FMN2: variants seen among roughly 807,000 people sequenced by gnomAD.
FMN2 encodes formin 2, also known as formin-2.
A neutral mutation model predicts 142.3 loss-of-function variants in FMN2; 51 were observed. The observed-to-expected ratio is 0.36, with a 90% CI of 0.29 to 0.45. The LOEUF (loss-of-function observed/expected upper bound fraction) is 0.45, where lower values mean the gene tolerates loss of function less well. FMN2 is among the 20% of genes least tolerant of loss of function. The probability of loss-of-function intolerance (pLI) is 1.00; values close to 1 mark genes in which losing one functional copy is unlikely to be tolerated. For synonymous variants in FMN2, 882 were observed against 869.8 expected (o/e 1.01, Z -0.25); for missense variants, 1,936 against 2,122.8 (o/e 0.91, Z 1.73).
At chr1:240,193,267 C>T (rs1251241349) in intron 4 of FMN2, among the ~76,000 whole-genome samples, 1 of 151,508 alleles carries the variant, frequency 6.6e-6, no homozygotes, top group Non-Finnish European at 1.5e-5. Flanking sequence ...TGCTGACCTA[C>T]TGTGTGCAAG....
intron 2 of FMN2, among the ~76,000 whole-genome samples, chr1:240,160,592 CTT>C (rs1036286284): frequency 1.3e-5 from 2 of 151,502 alleles, no homozygotes; most frequent in African/African-American, 4.8e-5. Context: ...TCTTAGGAAA[CTT>C]AGAAATAGAA....
At position 240,094,105 on chromosome 1, in the gene FMN2, G is replaced by GA. The variant is rs896844394; in HGVS notation, c.1615+389dup. 4.0e-5 allele frequency among the ~76,000 whole-genome samples: 6 copies of GA among 151,834 alleles called. No homozygotes were observed. The East Asian group carries it at 5.8e-4, about 15-fold the overall frequency. On this transcript the variant is annotated intron_variant, in intron 1 of 17. Coordinates refer to ENST00000319653, the MANE Select transcript of FMN2 (RefSeq NM_020066.5). ...TTTTTCATCACCACAGCATTAAAAAGAAAAAAAATTGTTCATGGTTCTTTC... is the reference window on the plus strand; with the variant it reads ...TTTTTCATCACCACAGCATTAAAAAGAAAAAAAAATTGTTCATGGTTCTTTC...
chr1:240,308,184 CA>C (rs1280446408), intron 8 of FMN2, among the ~76,000 whole-genome samples: 3 of 152,126 alleles, frequency 2.0e-5, no homozygotes, highest in African/African-American at 7.2e-5. Flanking sequence ...GAGACCATAT[CA>C]TGCCTGAAGT....
intron 15 of FMN2, among the ~76,000 whole-genome samples, chr1:240,427,301 G>C (rs968889943): frequency 7.3e-5 from 11 of 151,716 alleles, no homozygotes; most frequent in Non-Finnish European, 1.6e-4. Context: ...CGCCTCCTGG[G>C]TTCACGCCAT....
rs532298569 is a variant in FMN2, at chr1:240,092,766, ACAGCAG to A, written c.671_676del (p.Gln224_Gln225del). On this transcript the variant is annotated inframe_deletion, in exon 1 of 18. Coordinates refer to ENST00000319653, the MANE Select transcript of FMN2 (RefSeq NM_020066.5). ...AGCAGCTCCAGCTCCAGCTCCAGCA[ACAGCAG>A]CAGCAGCAGCAGCTCCAGGGCGCCG... 2.5e-6 allele frequency: 4 copies of A among 1,609,666 alleles called. No individual in the cohort carries two copies. The highest frequency in any genetic ancestry group is 2.7e-5 in the African/African-American group (2 of 74,924).
chr1:240,148,085 C>G (rs761876668), intron 2 of FMN2, among the ~76,000 whole-genome samples: 5 of 152,144 alleles, frequency 3.3e-5, no homozygotes, highest in Non-Finnish European at 7.4e-5. Flanking sequence ...GTCAACAAAA[C>G]GTTTTCCCTG....
At chr1:240,174,715 G>T (rs1293217624) in intron 2 of FMN2, among the ~76,000 whole-genome samples, 1 of 152,056 alleles carries the variant, frequency 6.6e-6, no homozygotes, top group African/African-American at 2.4e-5. Flanking sequence ...TACCTCTTAA[G>T]AACTGACTTG....
At chr1:240,148,968 T>A (rs575710434) in intron 2 of FMN2, among the ~76,000 whole-genome samples, 2 of 80,452 alleles carry the variant, frequency 2.5e-5, no homozygotes, top group Admixed American at 2.5e-4. Context: ...CGAGACTCCG[T>A]CTCAAAAAAA....
At chr1:240,232,547 T>C (rs1038188633) in intron 6 of FMN2, among the ~76,000 whole-genome samples, 2 of 152,244 alleles carry the variant, frequency 1.3e-5, no homozygotes, top group African/African-American at 4.8e-5. Flanking sequence ...CTTAACATTT[T>C]AGATTGTTCA....
At position 240,207,565 on chromosome 1, in the gene FMN2, C is replaced by G. The variant is rs768693892; in HGVS notation, c.2753C>G (p.Ala918Gly). ...LPPPPPPLPG[A>G]GIPPPPPLPG... The stretch of plus-strand genomic sequence containing the variant: ...CCCCCTCCCCCTCCTCTTCCCGGAG[C>G]GGGCATACCTCCTCCGCCGCCTCTA... The change falls in exon 5 of 18, where the codon GCG (alanine) becomes GGG (glycine). Residue 918 changes from alanine (A) to glycine (G), a missense_variant. By Grantham distance (60) the Ala-to-Gly change is moderately conservative. Around this residue, in one of 8 missense-constraint regions of FMN2, gnomAD observed 478 missense variants for 462.8 expected, o/e 1.03. Coordinates refer to ENST00000319653, the MANE Select transcript of FMN2 (RefSeq NM_020066.5). The G allele has an allele frequency of 6.2e-7, 1 of 1,609,350 alleles. No individual in the cohort carries two copies. Among genetic ancestry groups the G allele is most frequent in the African/African-American group, 1.3e-5 (1 of 74,228 alleles).
chr1:240,245,260 G>T, intron 6 of FMN2: 1 of 315,812 alleles, frequency 3.2e-6, no homozygotes, highest in Non-Finnish European at 6.2e-6. Flanking sequence ...CTAAATATCT[G>T]TTAAAAGGGG....
intron 14 of FMN2, among the ~76,000 whole-genome samples, chr1:240,361,171 ATATATATATATAT>A (rs1372547275): frequency 2.1e-5 from 2 of 93,586 alleles, no homozygotes; most frequent in East Asian, 6.0e-4. Flanking sequence ...ATATATATAT[ATATATATATATAT>A]AAAAGAGTTT....
intron 13 of FMN2, among the ~76,000 whole-genome samples, chr1:240,335,970 C>A (rs1671540268): frequency 6.6e-6 from 1 of 151,446 alleles, no homozygotes; most frequent in African/African-American, 2.4e-5. Flanking sequence ...ATGAAGAAAC[C>A]CCATCTCTAC....
At chr1:240,246,936 C>T (rs1248868394) in intron 6 of FMN2, among the ~76,000 whole-genome samples, 1 of 152,110 alleles carries the variant, frequency 6.6e-6, no homozygotes, top group African/African-American at 2.4e-5. Context: ...AGTGTACTCT[C>T]CTCTTCATTG....
chr1:240,356,937 G>T (rs538450337), intron 14 of FMN2, among the ~76,000 whole-genome samples: 2 of 152,304 alleles, frequency 1.3e-5, no homozygotes, highest in East Asian at 3.9e-4. Flanking sequence ...CATAAATCAC[G>T]TTGAATGTCA....
At chr1:240,456,883 G>A (rs1676264510) in intron 16 of FMN2, among the ~76,000 whole-genome samples, 1 of 152,178 alleles carries the variant, frequency 6.6e-6, no homozygotes, top group South Asian at 2.1e-4. Context: ...GAACCGCACA[G>A]ATAAATCCAA....
At chr1:240,375,678 A>G (rs1473941895) in intron 14 of FMN2, among the ~76,000 whole-genome samples, 4 of 152,280 alleles carry the variant, frequency 2.6e-5, no homozygotes, top group South Asian at 2.1e-4. Flanking sequence ...TCTACTTTCT[A>G]TCCACATTAT....
At chr1:240,390,821 C>A (rs923558525) in intron 14 of FMN2, among the ~76,000 whole-genome samples, 6 of 152,164 alleles carry the variant, frequency 3.9e-5, no homozygotes, top group Non-Finnish European at 8.8e-5. Flanking sequence ...TTTTAAGTTT[C>A]ATAAATCATT....
At chr1:240,225,322 C>T (rs1181786731) in intron 6 of FMN2, among the ~76,000 whole-genome samples, 11 of 152,160 alleles carry the variant, frequency 7.2e-5, no homozygotes, top group African/African-American at 2.7e-4. Context: ...CTCCAAGGCA[C>T]CCCTCAGCCC....
Sources: gnomAD v4.1 joint callset for allele counts (sites outside exome capture counted in the v4.1 genomes callset) on GRCh38, gnomAD v4.1.1 for gene constraint, gnomAD v4.1.1 regional missense constraint, MANE v1.5 for transcripts, NCBI Gene and HGNC (gene_info 2026-07-23, HGNC 2026-07-21) for gene names.